The following CPNE3 variants were observed in gnomAD, a reference collection of about 807,000 sequenced individuals.
CPNE3 encodes copine 3.
A neutral mutation model predicts 63.9 loss-of-function variants in CPNE3; 68 were observed. The ratio of observed to expected loss-of-function variants is 1.06; its 90% confidence interval spans 0.87 to 1.30. The LOEUF (loss-of-function observed/expected upper bound fraction) is 1.30. CPNE3 is among the 50% of genes most tolerant of loss of function. CPNE3 has a pLI of 0.00. For missense variants in CPNE3, 665 were observed against 578.1 expected (o/e 1.15, Z -1.54); for synonymous variants, 219 against 197.5 (o/e 1.11, Z -0.91).
chr8:86,523,519 A>G (rs1239027859), intron 2 of CPNE3, among the ~76,000 whole-genome samples: 2 of 152,244 alleles, frequency 1.3e-5, no homozygotes, highest in Non-Finnish European at 2.9e-5. Flanking sequence ...AATCAGTGCC[A>G]TAACAGCATG....
In CPNE3 at chr8:86,529,071, A is replaced by G. The variant is rs771190545; in HGVS notation, c.259A>G (p.Ile87Val). 90 of 1,614,060 alleles carry G rather than the reference A, an allele frequency of 5.6e-5. No homozygotes were observed. The Middle Eastern group carries it at 5.5e-3, about 98-fold the overall frequency. Reference sequence around the variant, plus strand: ...GGTTTATGACATCGACAACAAAACTATTGAGCTGAGTGATGATGACTTCTT... The same window carrying G: ...GGTTTATGACATCGACAACAAAACTGTTGAGCTGAGTGATGATGACTTCTT... ...FGVYDIDNKT[I>V]ELSDDDFLGE... Residue 87 changes from isoleucine to valine, a missense_variant, in exon 4 of 17, where the codon ATT becomes GTT. Ile to Val is a conservative substitution (Grantham distance 29). Coordinates refer to ENST00000517490, the MANE Select transcript of CPNE3 (RefSeq NM_003909.5).
chr8:86,551,772 T>A (rs1208930056), intron 14 of CPNE3, among the ~76,000 whole-genome samples: 1 of 152,206 alleles, frequency 6.6e-6, no homozygotes, highest in Non-Finnish European at 1.5e-5. Flanking sequence ...GCAGCTTTCC[T>A]CTGTGTAGAG....
At chr8:86,535,903 T>C (rs999869501) in intron 6 of CPNE3, among the ~76,000 whole-genome samples, 1 of 152,192 alleles carries the variant, frequency 6.6e-6, no homozygotes, top group Non-Finnish European at 1.5e-5. Context: ...ATAGTCACAT[T>C]CTTATGATTT....
chr8:86,521,557 A>G (rs1485333748), intron 2 of CPNE3: 4 of 152,180 alleles, frequency 2.6e-5, no homozygotes, highest in Non-Finnish European at 5.9e-5. Context: ...AATTGTTTAC[A>G]TCTATGGAGT....
chr8:86,520,138 TAC>T (rs1338200528), intron 2 of CPNE3, among the ~76,000 whole-genome samples: 1 of 138,008 alleles, frequency 7.2e-6, no homozygotes, highest in Non-Finnish European at 1.7e-5. Flanking sequence ...AATCCTTTAG[TAC>T]CACTTCCTAA....
At chr8:86,546,954 C>T (rs1821066752) in intron 10 of CPNE3, among the ~76,000 whole-genome samples, 1 of 152,084 alleles carries the variant, frequency 6.6e-6, no homozygotes, top group African/African-American at 2.4e-5. Flanking sequence ...TGTGATCCAC[C>T]CACCTTGGCC....
intron 2 of CPNE3, among the ~76,000 whole-genome samples, chr8:86,525,431 A>C (rs1398314959): frequency 1.3e-5 from 2 of 152,214 alleles, no homozygotes; most frequent in African/African-American, 4.8e-5. Context: ...GTGTTTATGT[A>C]ATTTCTTCCA....
chr8:86,532,457 C>A, intron 5 of CPNE3, 52 bp from the exon 6 acceptor site: 2 of 1,358,862 alleles, frequency 1.5e-6, no homozygotes, highest in South Asian at 1.2e-5. Flanking sequence ...GCTTAAGTGT[C>A]TATCAGAATT....
intron 8 of CPNE3, among the ~76,000 whole-genome samples, chr8:86,543,163 G>A (rs1323888886): frequency 6.6e-6 from 1 of 152,034 alleles, no homozygotes; most frequent in Non-Finnish European, 1.5e-5. Context: ...GCACATTAAA[G>A]AGTCATATAA....
rs908111783 is a variant in CPNE3, at chr8:86,539,133, A to C, written c.544-1112A>C. On this transcript the variant is annotated intron_variant, in intron 7 of 16. Coordinates refer to ENST00000517490, the MANE Select transcript of CPNE3 (RefSeq NM_003909.5). ...TCATTATAAATTCATGGATTGTTAT[A>C]ACAGTGTATGCTTTGTATTTAACTC... is the stretch of plus-strand genomic sequence containing the variant. Among the ~76,000 whole-genome samples, 2 of 152,152 alleles carry C rather than the reference A, an allele frequency of 1.3e-5. 1 individual carries two copies.
At chr8:86,530,257 C>T (rs907520921) in intron 4 of CPNE3, among the ~76,000 whole-genome samples, 1 of 151,546 alleles carries the variant, frequency 6.6e-6, no homozygotes, top group Admixed American at 6.6e-5. Context: ...ACAGCCTTGA[C>T]CTCCCGGGTT....
At chr8:86,538,419 C>G (rs1461733968) in intron 7 of CPNE3, among the ~76,000 whole-genome samples, 1 of 152,162 alleles carries the variant, frequency 6.6e-6, no homozygotes, top group Non-Finnish European at 1.5e-5. Flanking sequence ...GTTTAAAGAA[C>G]AGGGACATTC....
rs1218559453 is a variant in CPNE3 at position 86,529,014 on chromosome 8, T to C, written c.202T>C (p.Tyr68His). 1 of 1,613,540 alleles carries C rather than the reference T, an allele frequency of 6.2e-7. No homozygotes were observed. The highest frequency in any genetic ancestry group is 1.7e-5 in the Admixed American group (1 of 60,012). ...QFSKTFIIDY[Y>H]FEVVQKLKFG... ...TTCCAAGACATTTATTATTGATTAC[T>C]ACTTTGAAGTGGTTCAGAAATTGAA... The change falls in exon 4 of 17, where the codon TAC (tyrosine) becomes CAC (histidine). Residue 68 changes from tyrosine to histidine, a missense_variant. Physicochemically the swap from Tyr to His is moderately conservative, Grantham distance 83. Coordinates refer to ENST00000517490, the MANE Select transcript of CPNE3 (RefSeq NM_003909.5).
At chr8:86,549,562 A>G (rs1437328945) in intron 12 of CPNE3, among the ~76,000 whole-genome samples, 1 of 152,238 alleles carries the variant, frequency 6.6e-6, no homozygotes. Flanking sequence ...TCCCTGACTC[A>G]TACTTGCATG....
intron 7 of CPNE3, 93 bp from the exon 8 acceptor site, chr8:86,540,152 G>T: frequency 1.3e-6 from 1 of 762,740 alleles, no homozygotes; most frequent in South Asian, 1.4e-5. Context: ...AGGACGAATG[G>T]TGAGAGTATA....
At chr8:86,557,794 G>A (rs1215903133) in intron 16 of CPNE3, among the ~76,000 whole-genome samples, 1 of 151,906 alleles carries the variant, frequency 6.6e-6, no homozygotes. Context: ...TGTAAAACTA[G>A]AAATCAGAGT....
At chr8:86,534,305 A>C (rs1484638152) in intron 6 of CPNE3, among the ~76,000 whole-genome samples, 1 of 152,070 alleles carries the variant, frequency 6.6e-6, no homozygotes, top group Non-Finnish European at 1.5e-5. Flanking sequence ...GCTCACACTG[A>C]CTTGTGTGTT....
In CPNE3 at chr8:86,528,533, CAGAACTCAAG is replaced by C; in HGVS notation, c.-10-1_-2del. ...TGCTTTCTCTTTTTATTGGTTTTCTCAGAACTCAAGACATGGCTGCCCAGTGTGTCACAAA... is the reference window on the plus strand; with the variant it reads ...TGCTTTCTCTTTTTATTGGTTTTCTCACATGGCTGCCCAGTGTGTCACAAA... On this transcript the variant is annotated splice_acceptor_variant and 5_prime_UTR_variant, in exon 3 of 17. Transcript: ENST00000517490. LOFTEE classifies it low-confidence loss of function (5UTR_SPLICE). 3 of 1,611,874 alleles carry C rather than the reference CAGAACTCAAG, an allele frequency of 1.9e-6. No homozygotes were observed. Among genetic ancestry groups the C allele is most frequent in the Non-Finnish European group, 2.5e-6 (3 of 1,179,518 alleles).
At position 86,516,606 on chromosome 8, in the gene CPNE3, T is replaced by C. The variant is rs374171088; in HGVS notation, c.-11+1107T>C. On this transcript the variant is annotated intron_variant, in intron 2 of 16. Coordinates refer to ENST00000517490, the MANE Select transcript of CPNE3 (RefSeq NM_003909.5). Reference sequence around the variant, plus strand: ...GATCTTACTATGTTGCCCAGGCTGGTCTTGAACTCCTGGGCTCAAGTGATC... The same window carrying C: ...GATCTTACTATGTTGCCCAGGCTGGCCTTGAACTCCTGGGCTCAAGTGATC... Among the ~76,000 whole-genome samples, 49 of 152,234 alleles carry C rather than the reference T, an allele frequency of 3.2e-4. No homozygotes were observed. In the East Asian group the frequency reaches 8.3e-3, roughly 26 times the overall value.
Sources: allele counts gnomAD v4.1 joint callset (sites outside exome capture counted in the v4.1 genomes callset), GRCh38; gene constraint gnomAD v4.1.1; transcripts MANE v1.5; gene names NCBI Gene and HGNC (gene_info 2026-07-23, HGNC 2026-07-21).